Variants in KATNIP observed in about 807,000 individuals in gnomAD.
The protein encoded by KATNIP is katanin-interacting protein.
A neutral mutation model predicts 174.0 loss-of-function variants in KATNIP; 126 were observed. The ratio of observed to expected loss-of-function variants is 0.72; its 90% CI spans 0.63 to 0.84. The LOEUF (loss-of-function observed/expected upper bound fraction) is 0.84. Ranked by LOEUF, KATNIP falls within the 40% of genes least tolerant of loss-of-function variation. The probability of loss-of-function intolerance (pLI) is 0.00; values close to 1 mark genes in which losing one functional copy is unlikely to be tolerated. For synonymous variants in KATNIP, 810 were observed against 835.7 expected (o/e 0.97, Z 0.53); for missense variants, 1,958 against 2,109.7 (o/e 0.93, Z 1.41).
intron 2 of KATNIP, among the ~76,000 whole-genome samples, chr16:27,574,527 TCA>T (rs2090418563): frequency 6.6e-6 from 1 of 150,804 alleles, no homozygotes; most frequent in Admixed American, 6.6e-5. Context: ...GGCTTACAAG[TCA>T]CACAGTGTCA....
At position 27,678,009 on chromosome 16, in the gene KATNIP, T is replaced by G. The variant is rs2078186055; in HGVS notation, c.808+13T>G. ...CCAGCTTCCAAAAGTGAGCTCTGTCTTGTATATCATTTCTTTGCCATTGGT... is the reference window on the plus strand; with the variant it reads ...CCAGCTTCCAAAAGTGAGCTCTGTCGTGTATATCATTTCTTTGCCATTGGT... On this transcript the variant is annotated intron_variant, in intron 7 of 27. Transcript: ENST00000261588. 6.2e-7 allele frequency: 1 copy of G among 1,608,426 alleles called. No individual in the cohort carries two copies. The highest frequency in any genetic ancestry group is 8.5e-7 in the Non-Finnish European group (1 of 1,175,410).
rs1383659223 is a variant in KATNIP at position 27,740,236 on chromosome 16, G to A, written c.1939G>A (p.Ala647Thr). ...SEESKGTHEMAGASGDKELGL... is the reference protein window; with the variant it reads ...SEESKGTHEMTGASGDKELGL... ...AGAAAGCAAAGGCACCCATGAGATG[G>A]CTGGTGCCAGCGGGGACAAGGAGCT... is the stretch of plus-strand genomic sequence containing the variant. Residue 647 changes from alanine to threonine, a missense_variant, in exon 15 of 28, where the codon GCT becomes ACT. Physicochemically the swap from Ala to Thr is moderately conservative, Grantham distance 58 (BLOSUM62 0). Transcript: ENST00000261588. 6.2e-6 allele frequency: 10 copies of A among 1,614,248 alleles called. No individual in the cohort carries two copies. In the East Asian group the frequency reaches 2.2e-4, roughly 36 times the overall value.
At chr16:27,675,768 G>A (rs2078092362) in intron 6 of KATNIP, among the ~76,000 whole-genome samples, 1 of 152,112 alleles carries the variant, frequency 6.6e-6, no homozygotes, top group African/African-American at 2.4e-5. Context: ...AAAGTCATGT[G>A]GGACTCCCAT....
intron 8 of KATNIP, among the ~76,000 whole-genome samples, chr16:27,690,074 G>A (rs777742195): frequency 6.6e-6 from 1 of 152,030 alleles, no homozygotes; most frequent in Non-Finnish European, 1.5e-5. Flanking sequence ...AGTCCGAGGC[G>A]AGAGGATCAC....
chr16:27,599,631 C>T (rs2075449629), intron 2 of KATNIP, among the ~76,000 whole-genome samples: 1 of 152,198 alleles, frequency 6.6e-6, no homozygotes, highest in Non-Finnish European at 1.5e-5. Flanking sequence ...TTCCCTGACC[C>T]TCCACGTGGC....
chr16:27,585,393 C>A (rs527570710), intron 2 of KATNIP, among the ~76,000 whole-genome samples: 1 of 152,280 alleles, frequency 6.6e-6, no homozygotes, highest in East Asian at 1.9e-4. Flanking sequence ...AAAATAGCTA[C>A]CATACGATCC....
At chr16:27,648,556 T>C in intron 5 of KATNIP, 48 bp from the exon 6 acceptor site, 1 of 1,610,076 alleles carries the variant, frequency 6.2e-7, no homozygotes, top group Non-Finnish European at 8.5e-7. Context: ...CGCAGAGGAA[T>C]GAAGACCTCA....
chr16:27,720,496 C>CTTTTT (rs56263804), intron 13 of KATNIP, among the ~76,000 whole-genome samples: 3 of 124,568 alleles, frequency 2.4e-5, no homozygotes, highest in Admixed American at 8.5e-5. Flanking sequence ...GGGTTTTGTT[C>CTTTTT]TTTTTTTTTT....
intron 11 of KATNIP, 70 bp from the exon 12 acceptor site, chr16:27,703,826 T>G: frequency 8.3e-7 from 1 of 1,198,382 alleles, no homozygotes; most frequent in Non-Finnish European, 1.2e-6. Flanking sequence ...GTGCAGCACT[T>G]TTGATTGGAA....
intron 3 of KATNIP, among the ~76,000 whole-genome samples, chr16:27,620,285 GA>G (rs1195664392): frequency 5.3e-5 from 8 of 152,346 alleles, no homozygotes; most frequent in Middle Eastern, 6.8e-3. Flanking sequence ...GGAGACTTGT[GA>G]AGAATGGGAA....
intron 1 of KATNIP, among the ~76,000 whole-genome samples, chr16:27,565,241 G>A (rs1410482185): frequency 5.9e-5 from 9 of 151,266 alleles, no homozygotes; most frequent in South Asian, 2.1e-4. Flanking sequence ...CGAGGCGGGT[G>A]GATCACCTGA....
At chr16:27,585,546 A>C (rs904390547) in intron 2 of KATNIP, among the ~76,000 whole-genome samples, 3 of 152,320 alleles carry the variant, frequency 2.0e-5, no homozygotes, top group African/African-American at 7.2e-5. Context: ...CACACGTATA[A>C]AGAGAATGTG....
intron 2 of KATNIP, among the ~76,000 whole-genome samples, chr16:27,584,770 G>A (rs889067011): frequency 6.6e-5 from 10 of 151,376 alleles, no homozygotes; most frequent in African/African-American, 4.9e-5. Context: ...CAGCTTGGGC[G>A]ACAAGAGCGA....
chr16:27,583,983 A>T (rs1282571071), intron 2 of KATNIP, among the ~76,000 whole-genome samples: 1 of 152,044 alleles, frequency 6.6e-6, no homozygotes, highest in African/African-American at 2.4e-5. Context: ...TGCTAGATTT[A>T]AAAGGTTTGG....
chr16:27,765,163 A>T (rs952252314), intron 19 of KATNIP, among the ~76,000 whole-genome samples: 2 of 152,220 alleles, frequency 1.3e-5, no homozygotes, highest in African/African-American at 4.8e-5. Flanking sequence ...GTTGCTCAAA[A>T]GGCTGCCAGC....
intron 12 of KATNIP, among the ~76,000 whole-genome samples, chr16:27,707,621 A>G (rs2079373872): frequency 2.0e-5 from 3 of 152,234 alleles, no homozygotes; most frequent in Non-Finnish European, 4.4e-5. Context: ...GTTACCTACT[A>G]TATCAGTCCA....
chr16:27,589,995 A>G (rs2075116194), intron 2 of KATNIP, among the ~76,000 whole-genome samples: 2 of 151,894 alleles, frequency 1.3e-5, no homozygotes, highest in South Asian at 4.2e-4. Flanking sequence ...CAGGCTGGTC[A>G]CAAATGATTT....
intron 1 of KATNIP, among the ~76,000 whole-genome samples, chr16:27,564,115 A>G (rs1483088955): frequency 6.6e-6 from 1 of 152,014 alleles, no homozygotes; most frequent in Admixed American, 6.6e-5. Flanking sequence ...CCTGGCTTGG[A>G]GAGCGGGATG....
chr16:27,572,884 C>T (rs923924856), intron 1 of KATNIP, among the ~76,000 whole-genome samples: 3 of 152,196 alleles, frequency 2.0e-5, no homozygotes, highest in East Asian at 3.8e-4. Context: ...CCGTGGCCAG[C>T]GGTTCTTCCT....
Sources: allele counts gnomAD v4.1 joint callset (sites outside exome capture counted in the v4.1 genomes callset), GRCh38; gene constraint gnomAD v4.1.1; transcripts MANE v1.5; gene names NCBI Gene and HGNC (gene_info 2026-07-23, HGNC 2026-07-21).